Variants in DDX4 observed in about 807,000 individuals in gnomAD.
The protein encoded by DDX4 is DEAD-box helicase 4.
Under a neutral mutation model 100.0 loss-of-function variants are expected in DDX4, and 25 were observed. The ratio of observed to expected loss-of-function variants is 0.25; its 90% confidence interval spans 0.18 to 0.35. DDX4 has a LOEUF of 0.35. DDX4 is among the 10% of genes least tolerant of loss of function. The pLI is 1.00. For synonymous variants in DDX4, 259 were observed against 275.7 expected (o/e 0.94, Z 0.60); for missense variants, 635 against 882.4 (o/e 0.72, Z 3.55).
intron 3 of DDX4, among the ~76,000 whole-genome samples, chr5:55,759,650 C>T (rs1580531565): frequency 6.6e-6 from 1 of 152,090 alleles, no homozygotes; most frequent in South Asian, 2.1e-4. Context: ...CTTTATTCCA[C>T]TTTGATCATT....
chr5:55,785,870 T>C lies in DDX4; in HGVS notation c.863T>C (p.Leu288Pro). Residue 288 changes from leucine (L) to proline (P), a missense_variant and splice_region_variant, in exon 13 of 22, where the codon CTG becomes CCG. Transcript: ENST00000505374. ...GGACATGATGCACCACCAGCAATTC[T>C]GGTCAGTGTATTAATTGTTTCTGTA... ...VSGHDAPPAI[L>P]TFEEANLCQT... The C allele has an allele frequency of 6.2e-7, 1 of 1,604,048 alleles. No individual in the cohort carries two copies. Among genetic ancestry groups the C allele is most frequent in the Non-Finnish European group, 8.5e-7 (1 of 1,171,070 alleles).
At chr5:55,816,206 G>A (rs191312512) in intron 21 of DDX4, among the ~76,000 whole-genome samples, 42 of 152,160 alleles carry the variant, frequency 2.8e-4, no homozygotes, top group African/African-American at 8.9e-4. Flanking sequence ...AGTGCATTAA[G>A]TTTTCCCCAC....
At chr5:55,770,564 G>C (rs560101405) in intron 7 of DDX4, among the ~76,000 whole-genome samples, 1 of 152,310 alleles carries the variant, frequency 6.6e-6, no homozygotes, top group East Asian at 1.9e-4. Context: ...TCTATGATAA[G>C]AGGTTTTATT....
chr5:55,758,911 C>CA (rs1561486083), intron 3 of DDX4, among the ~76,000 whole-genome samples: 1 of 123,148 alleles, frequency 8.1e-6, no homozygotes, highest in Non-Finnish European at 1.7e-5. Flanking sequence ...GGCAGACAGA[C>CA]AAGGTCTCTT....
chr5:55,785,563 A>G, intron 12 of DDX4, 69 bp downstream of exon 12: 1 of 1,379,564 alleles, frequency 7.2e-7, no homozygotes, highest in Non-Finnish European at 1.0e-6. Context: ...TATTTTACTT[A>G]AAAACAAAGT....
rs1215340212 is a variant in DDX4 at position 55,763,210 on chromosome 5, A to C, written c.241A>C (p.Thr81Pro). 6.2e-7 allele frequency: 1 copy of C among 1,612,814 alleles called. No homozygotes were observed. Among genetic ancestry groups the C allele is most frequent in the African/African-American group, 1.3e-5 (1 of 75,002 alleles). The change falls in exon 5 of 22, where the codon ACA (threonine) becomes CCA (proline). Residue 81 changes from threonine (T) to proline (P), a missense_variant. Thr to Pro is a conservative substitution (Grantham distance 38). Transcript: ENST00000505374. ...GECNKRDNTSTMGGFGVGKSF... is the reference protein window; with the variant it reads ...GECNKRDNTSPMGGFGVGKSF... ...GTGTAATAAGCGAGATAATACATCC[A>C]CAATGGGTGGTTTTGGAGTTGGAAA...
At chr5:55,787,106 G>A (rs1236392608) in intron 14 of DDX4, among the ~76,000 whole-genome samples, 1 of 152,190 alleles carries the variant, frequency 6.6e-6, no homozygotes, top group Non-Finnish European at 1.5e-5. Context: ...TATAAAAGAA[G>A]TCTGATGAAA....
intron 10 of DDX4, 49 bp downstream of exon 10, chr5:55,782,030 C>T: frequency 6.2e-7 from 1 of 1,601,100 alleles, no homozygotes; most frequent in Non-Finnish European, 8.5e-7. Context: ...CATTGTATTC[C>T]AAATTTAATT....
intron 7 of DDX4, among the ~76,000 whole-genome samples, chr5:55,769,468 C>T (rs1249204157): frequency 2.0e-5 from 3 of 151,860 alleles, no homozygotes; most frequent in Non-Finnish European, 4.4e-5. Flanking sequence ...GATTTTATAC[C>T]TAGAAAACCC....
At chr5:55,798,963 T>C (rs996711730) in intron 18 of DDX4, among the ~76,000 whole-genome samples, 2 of 152,178 alleles carry the variant, frequency 1.3e-5, no homozygotes, top group African/African-American at 4.8e-5. Flanking sequence ...CCCAAATTCA[T>C]AGATTTGAAT....
At chr5:55,794,015 C>A (rs917472698) in intron 17 of DDX4, among the ~76,000 whole-genome samples, 1 of 152,052 alleles carries the variant, frequency 6.6e-6, no homozygotes, top group Non-Finnish European at 1.5e-5. Flanking sequence ...GTGGTGCTGG[C>A]TATTGATTTA....
At chr5:55,782,593 A>C (rs1741988940) in intron 10 of DDX4, among the ~76,000 whole-genome samples, 1 of 151,926 alleles carries the variant, frequency 6.6e-6, no homozygotes, top group African/African-American at 2.4e-5. Context: ...CGAGACTGTC[A>C]CCAGTTTTTT....
Position 55,763,177 on chromosome 5 carries a change from G to A in DDX4, c.208G>A (p.Ala70Thr), listed in dbSNP as rs1740671981. 6.2e-7 allele frequency: 1 copy of A among 1,606,880 alleles called. No homozygotes were observed. The highest frequency in any genetic ancestry group is 1.3e-5 in the African/African-American group (1 of 74,642). Residue 70 changes from alanine (A) to threonine (T), a missense_variant and splice_region_variant, in exon 5 of 22, where the codon GCT becomes ACT. By Grantham distance (58) the Ala-to-Thr change is moderately conservative. This residue lies in a region of DDX4 where 446 missense variants were observed against 540.8 expected (regional missense o/e 0.82). Transcript: ENST00000505374. ...ASGRNFGNRD[A>T]GECNKRDNTS... is the part of the protein sequence containing the mutation. ...TTTAACTGTCCACCCTTTTTCAGAT[G>A]CTGGTGAGTGTAATAAGCGAGATAA...
Position 55,763,150 on chromosome 5 carries a change from A to C in DDX4, c.206-25A>C, listed in dbSNP as rs375648332. The C allele has an allele frequency of 2.1e-6, 3 of 1,447,990 alleles. No individual in the cohort carries two copies. The African/African-American group carries it at 4.3e-5, about 21-fold the overall frequency. The allele number at this position is 1,447,990 out of a possible 1,614,324, so 89.7% of individuals were successfully genotyped here. On this transcript the variant is annotated intron_variant, in intron 4 of 21. Coordinates refer to ENST00000505374, the MANE Select transcript of DDX4 (RefSeq NM_024415.3). Reference sequence around the variant, plus strand: ...ACACACTTAATTTTATATGTTAAAGAGTTTAACTGTCCACCCTTTTTCAGA... The same window carrying C: ...ACACACTTAATTTTATATGTTAAAGCGTTTAACTGTCCACCCTTTTTCAGA...
chr5:55,770,410 C>A (rs1264653806), intron 7 of DDX4, among the ~76,000 whole-genome samples: 1 of 152,054 alleles, frequency 6.6e-6, no homozygotes, highest in African/African-American at 2.4e-5. Context: ...AATTCAGCTT[C>A]TATTGAATTT....
chr5:55,802,016 A>T (rs551211546), intron 18 of DDX4, among the ~76,000 whole-genome samples: 1 of 152,320 alleles, frequency 6.6e-6, no homozygotes, highest in East Asian at 1.9e-4. Context: ...AGGTCAGCTT[A>T]TATGGGAGGT....
intron 10 of DDX4, among the ~76,000 whole-genome samples, chr5:55,783,204 A>G (rs1742027375): frequency 6.6e-6 from 1 of 152,120 alleles, no homozygotes; most frequent in African/African-American, 2.4e-5. Context: ...CTCAGTAATT[A>G]TTATTAGTCT....
Position 55,794,951 on chromosome 5 carries a change from G to C in DDX4, c.1469+2144G>C, listed in dbSNP as rs72761934. On this transcript the variant is annotated intron_variant, in intron 17 of 21. Transcript: ENST00000505374. ...TTCCCTGTATTCCTAATCTCTCTCT[G>C]TAGCCCCAGACCTTTTTTTTTTTTT... is the stretch of plus-strand genomic sequence containing the variant. Among the ~76,000 whole-genome samples the C allele has an allele frequency of 9.1e-3, 1,356 of 149,550 alleles. 12 individuals are homozygous for C. Among genetic ancestry groups the C allele is most frequent in the Non-Finnish European group, 0.015 (995 of 67,634 alleles).
intron 4 of DDX4, 125 bp from the exon 5 acceptor site, chr5:55,763,050 T>G (rs972802919): frequency 8.5e-6 from 5 of 590,088 alleles, no homozygotes; most frequent in Non-Finnish European, 1.5e-5. Context: ...ATTTTAGGTT[T>G]CTGTGCTACT....
Sources: gnomAD v4.1 joint callset for allele counts (sites outside exome capture counted in the v4.1 genomes callset) on GRCh38, gnomAD v4.1.1 for gene constraint, gnomAD v4.1.1 regional missense constraint, MANE v1.5 for transcripts, NCBI Gene and HGNC (gene_info 2026-07-23, HGNC 2026-07-21) for gene names.